Variants in MACROD2 observed in about 807,000 individuals in gnomAD.
The protein encoded by MACROD2 is ADP-ribose glycohydrolase MACROD2.
In MACROD2, 36 loss-of-function variants were observed where a neutral mutation model predicts 70.4. The ratio of observed to expected loss-of-function variants is 0.51; its 90% CI spans 0.39 to 0.68. The LOEUF is 0.68. Ranked by LOEUF, MACROD2 falls within the 30% of genes least tolerant of loss-of-function variation. The pLI is 0.00. For missense variants in MACROD2, 496 were observed against 538.4 expected (o/e 0.92, Z 0.78); for synonymous variants, 172 against 178.8 (o/e 0.96, Z 0.30).
chr20:14,535,896 G>A (rs1364029280), intron 4 of MACROD2, among the ~76,000 whole-genome samples: 1 of 152,134 alleles, frequency 6.6e-6, no homozygotes. Flanking sequence ...TTAGATTCAA[G>A]TATTAAAGTT....
At chr20:15,776,587 A>C (rs945165344) in intron 8 of MACROD2, among the ~76,000 whole-genome samples, 1 of 152,180 alleles carries the variant, frequency 6.6e-6, no homozygotes, top group African/African-American at 2.4e-5. Flanking sequence ...TCATATAATA[A>C]AATAATTAAG....
At position 13,995,845 on chromosome 20, in the gene MACROD2, T is replaced by TGGGGGGGGGGGGGGGGGGGG; in HGVS notation, c.46+41_46+42insGGGGGGGGGGGGGGGGGGGG. 1 of 298,364 alleles carries TGGGGGGGGGGGGGGGGGGGG rather than the reference T, an allele frequency of 3.4e-6. No homozygotes were observed. Among genetic ancestry groups the TGGGGGGGGGGGGGGGGGGGG allele is most frequent in the Non-Finnish European group, 6.2e-6 (1 of 160,984 alleles). 18.5% of individuals were successfully genotyped at this position (298,364 alleles called of 1,614,324 possible). On this transcript the variant is annotated intron_variant, in intron 1 of 17. Transcript: ENST00000684519. The surrounding 1 kb of genome is among the most constrained non-coding windows in gnomAD (Gnocchi z 4.3). ...CGTCGAGTCCTGGGGGTGCGGGCGG[T>TGGGGGGGGGGGGGGGGGGGG]GGGGGTTAGGGTGGGGGCGGGGGTC...
At chr20:15,461,006 A>ATATATATATATATT in intron 7 of MACROD2, among the ~76,000 whole-genome samples, 52 of 66,992 alleles carry the variant, frequency 7.8e-4, no homozygotes, top group Admixed American at 2.1e-3. Flanking sequence ...ATATATATAT[A>ATATATATATATATT]TTTTTTTTTA....
At chr20:15,637,388 A>G (rs541074654) in intron 8 of MACROD2, among the ~76,000 whole-genome samples, 1 of 152,312 alleles carries the variant, frequency 6.6e-6, no homozygotes, top group African/African-American at 2.4e-5. Flanking sequence ...AAACAGTTCA[A>G]TGGGAGAAGG....
At chr20:15,836,458 A>T (rs1457702220) in intron 8 of MACROD2, among the ~76,000 whole-genome samples, 1 of 152,204 alleles carries the variant, frequency 6.6e-6, no homozygotes, top group Non-Finnish European at 1.5e-5. Flanking sequence ...ATTCACAATG[A>T]AGGCATAATC....
At chr20:14,861,096 G>A (rs567898363) in intron 5 of MACROD2, among the ~76,000 whole-genome samples, 2 of 152,200 alleles carry the variant, frequency 1.3e-5, no homozygotes, top group South Asian at 2.1e-4. Flanking sequence ...ACCCCACATG[G>A]TTACAATGAA....
At chr20:15,948,382 C>CAAAAA (rs71192307) in intron 12 of MACROD2, among the ~76,000 whole-genome samples, 167 of 43,136 alleles carry the variant, frequency 3.9e-3, no homozygotes, top group Non-Finnish European at 5.1e-3. Flanking sequence ...CTTGCAACTG[C>CAAAAA]AAAAAAAAAA....
At position 15,336,910 on chromosome 20, in the gene MACROD2, TGA is replaced by T. The variant is rs1160629752; in HGVS notation, c.541-94489_541-94488del. 2.0e-5 allele frequency among the ~76,000 whole-genome samples: 3 copies of T among 151,782 alleles called. 1 individual carries two copies. The highest frequency in any genetic ancestry group is 1.9e-4 in the East Asian group (1 of 5,192). ...TTCTTTCCTGGGTTAGTGACTAGCC[TGA>T]GAGAGTTTAAGGAGCTAAACACAAC... On this transcript the variant is annotated intron_variant, in intron 6 of 17. Coordinates refer to ENST00000684519, the MANE Select transcript of MACROD2 (RefSeq NM_001351661.2).
At position 15,560,821 on chromosome 20, in the gene MACROD2, AT is replaced by A. The variant is rs563436345; in HGVS notation, c.645+60983del. Among the ~76,000 whole-genome samples, 26 of 146,104 alleles carry A rather than the reference AT, an allele frequency of 1.8e-4. No homozygotes were observed. The South Asian group carries it at 3.5e-3, about 20-fold the overall frequency. On this transcript the variant is annotated intron_variant, in intron 8 of 17. Transcript: ENST00000684519. The stretch of plus-strand genomic sequence containing the variant: ...GATCATAGTCTTTCTGTATAGGTCA[AT>A]TTTTTTTTCCATTCTTGGACACATA...
In MACROD2 at chr20:14,696,108, G is replaced by T. The variant is rs553834092; in HGVS notation, c.418+11149G>T. Among the ~76,000 whole-genome samples the T allele has an allele frequency of 1.2e-4, 18 of 152,170 alleles. No homozygotes were observed. The South Asian group carries it at 3.7e-3, about 32-fold the overall frequency. On this transcript the variant is annotated intron_variant, in intron 5 of 17. Transcript: ENST00000684519. ...TTACATTATACAACCAAAGCCCTTT[G>T]CCATACCATTATCATAGGCAGCATA...
intron 5 of MACROD2, among the ~76,000 whole-genome samples, chr20:14,969,653 C>T (rs2074672620): frequency 6.6e-6 from 1 of 151,660 alleles, no homozygotes; most frequent in African/African-American, 2.4e-5. Flanking sequence ...ATTTTTTTTC[C>T]TAAAGAAAAG....
chr20:14,113,352 A>C (rs1042172362), intron 3 of MACROD2, among the ~76,000 whole-genome samples: 1 of 152,060 alleles, frequency 6.6e-6, no homozygotes, highest in Non-Finnish European at 1.5e-5. Flanking sequence ...TTTATGACAC[A>C]TCACATTTCT....
At chr20:15,732,647 A>G (rs2050961358) in intron 8 of MACROD2, among the ~76,000 whole-genome samples, 1 of 67,150 alleles carries the variant, frequency 1.5e-5, no homozygotes, top group African/African-American at 6.2e-5. Context: ...AATATTTGGG[A>G]TAAATTCTAC....
intron 8 of MACROD2, among the ~76,000 whole-genome samples, chr20:15,781,556 T>C (rs2051832204): frequency 6.6e-6 from 1 of 151,636 alleles, no homozygotes; most frequent in Non-Finnish European, 1.5e-5. Context: ...GCTGCATCTC[T>C]GGAGGGGAAG....
At chr20:14,389,128 C>T (rs2083498362) in intron 3 of MACROD2, among the ~76,000 whole-genome samples, 1 of 152,084 alleles carries the variant, frequency 6.6e-6, no homozygotes, top group Non-Finnish European at 1.5e-5. Flanking sequence ...GATCCGCTCG[C>T]CTCGGCCTTC....
At chr20:15,244,176 A>G (rs76572058) in intron 6 of MACROD2, among the ~76,000 whole-genome samples, 7,592 of 152,160 alleles carry the variant, frequency 0.05, 264 homozygotes, top group Non-Finnish European at 0.081. Context: ...TTCCAATTCT[A>G]TGTTCAGTGA....
chr20:14,360,480 T>G (rs544736229), intron 3 of MACROD2, among the ~76,000 whole-genome samples: 1 of 152,352 alleles, frequency 6.6e-6, no homozygotes, highest in South Asian at 2.1e-4. Context: ...GGTTCATTGT[T>G]CAACTTTCTT....
At chr20:14,692,659 A>G (rs886088318) in intron 5 of MACROD2, among the ~76,000 whole-genome samples, 6 of 152,212 alleles carry the variant, frequency 3.9e-5, no homozygotes, top group African/African-American at 1.4e-4. Context: ...AGAGAACAAC[A>G]TGATTCCAGG....
chr20:15,953,748 T>A (rs1041693209), intron 12 of MACROD2, among the ~76,000 whole-genome samples: 5 of 152,178 alleles, frequency 3.3e-5, no homozygotes, highest in African/African-American at 1.2e-4. Flanking sequence ...CTGCTCTGTG[T>A]TTTACAGCAG....
Sources: allele counts gnomAD v4.1 joint callset (sites outside exome capture counted in the v4.1 genomes callset), GRCh38; gene constraint gnomAD v4.1.1; non-coding constraint Gnocchi (gnomAD v3.1); transcripts MANE v1.5; gene names NCBI Gene and HGNC (gene_info 2026-07-23, HGNC 2026-07-21).